The following EPN1 variants were observed in gnomAD, a reference collection of about 807,000 sequenced individuals.
The protein encoded by EPN1 is epsin-1.
Under a neutral mutation model 56.9 loss-of-function variants are expected in EPN1, and 25 were observed. The ratio of observed to expected loss-of-function variants is 0.44; its 90% CI spans 0.32 to 0.61. The LOEUF is 0.61. EPN1 is among the 20% of genes least tolerant of loss of function. The pLI is 0.05. For missense variants in EPN1, 785 were observed against 823.7 expected, an observed-to-expected ratio of 0.95 and a Z score of 0.58; for synonymous variants, 411 against 361.8, an observed-to-expected ratio of 1.14 and a Z score of -1.54.
At chr19:55,679,610 G>A (rs749951331) in intron 2 of EPN1, among the ~76,000 whole-genome samples, 25 of 152,314 alleles carry the variant, frequency 1.6e-4, no homozygotes, top group Admixed American at 9.1e-4. Flanking sequence ...CTTAGACCTG[G>A]GCCTGCTCTG....
chr19:55,676,842 G>A, intron 1 of EPN1: 1 of 211,084 alleles, frequency 4.7e-6, no homozygotes. Context: ...TGTATCTGCT[G>A]CTGCCTGTGT....
In EPN1 at chr19:55,709,277, C is replaced by A. The variant is rs1987600248; in HGVS notation, c.*13921C>A. ...AGGATGTATCAATTAAGATTTAATT[C>A]AAAAAAGATGAATTTAAGTTAAAAA... On this transcript the variant is annotated 3_prime_UTR_variant, in exon 11 of 11. Coordinates refer to ENST00000270460, the MANE Select transcript of EPN1 (RefSeq NM_001130072.2). The A allele has an allele frequency of 3.5e-6, 1 of 287,632 alleles. No homozygotes were observed. Among genetic ancestry groups the A allele is most frequent in the Non-Finnish European group, 6.4e-6 (1 of 156,878 alleles). The allele number at this position is 287,632 out of a possible 1,614,324, so 17.8% of individuals were successfully genotyped here.
At chr19:55,677,432 GGGTTAATTTAATTTA>G (rs1439205437) in intron 1 of EPN1, 4 of 681,568 alleles carry the variant, frequency 5.9e-6, no homozygotes, top group Non-Finnish European at 1.0e-5. Flanking sequence ...GTCTCGGGAT[GGGTTAATTTAATTTA>G]GGTTAATTTA....
At position 55,697,608 on chromosome 19, in the gene EPN1, G is replaced by A. The variant is rs1036846574; in HGVS notation, c.*2252G>A. On this transcript the variant is annotated 3_prime_UTR_variant, in exon 11 of 11. Transcript: ENST00000270460. ...ACCCAGAGGCTTGCACATAAATTTGGGGCTTAACTACAGCATCTTCGGCAT... is the reference window on the plus strand; with the variant it reads ...ACCCAGAGGCTTGCACATAAATTTGAGGCTTAACTACAGCATCTTCGGCAT... The A allele has an allele frequency of 6.6e-6, 1 of 152,092 alleles. No homozygotes were observed. The highest frequency in any genetic ancestry group is 2.4e-5 in the African/African-American group (1 of 41,414). 9.4% of individuals were successfully genotyped at this position (152,092 alleles called of 1,614,324 possible). A position where few individuals can be genotyped will look rare whatever the true frequency, so the allele number is the denominator to read the frequency against.
In EPN1 at chr19:55,705,744, A is replaced by T. The variant is rs190525473; in HGVS notation, c.*10388A>T. ...GAAAGTATCGAGAAAATGACATGTC[A>T]ATCATAAGGTCAGGTTCTTCAACAG... On this transcript the variant is annotated 3_prime_UTR_variant, in exon 11 of 11. Transcript: ENST00000270460. 6.6e-6 allele frequency: 1 copy of T among 151,118 alleles called. No homozygotes were observed. The highest frequency in any genetic ancestry group is 1.9e-4 in the East Asian group (1 of 5,142). 9.4% of individuals were successfully genotyped at this position (151,118 alleles called of 1,614,324 possible). A position where few individuals can be genotyped will look rare whatever the true frequency, so the allele number is the denominator to read the frequency against.
In EPN1 at chr19:55,708,744, G is replaced by A; in HGVS notation, c.*13388G>A. 3 of 500,490 alleles carry A rather than the reference G, an allele frequency of 6.0e-6. No individual in the cohort carries two copies. The highest frequency in any genetic ancestry group is 1.1e-5 in the Non-Finnish European group (3 of 282,080). 31.0% of individuals were successfully genotyped at this position (500,490 alleles called of 1,614,324 possible). The stretch of plus-strand genomic sequence containing the variant: ...GGACCGAGGCAAAGACAATCAGCAT[G>A]TACACTGAATCACACTCCATAATCA... On this transcript the variant is annotated 3_prime_UTR_variant, in exon 11 of 11. Coordinates refer to ENST00000270460, the MANE Select transcript of EPN1 (RefSeq NM_001130072.2).
Position 55,701,193 on chromosome 19 carries a change from G to A in EPN1, c.*5837G>A, listed in dbSNP as rs1028390981. 3 of 152,238 alleles carry A rather than the reference G, an allele frequency of 2.0e-5. No homozygotes were observed. Among genetic ancestry groups the A allele is most frequent in the African/African-American group, 7.2e-5 (3 of 41,444 alleles). The allele number at this position is 152,238 out of a possible 1,614,324, so 9.4% of individuals were successfully genotyped here. ...CGCCTGGGTGCTGTGGCTCATGCTT[G>A]TAATCCTAGCACTTTGGGAGGCCGA... is the stretch of plus-strand genomic sequence containing the variant. On this transcript the variant is annotated 3_prime_UTR_variant, in exon 11 of 11. Coordinates refer to ENST00000270460, the MANE Select transcript of EPN1 (RefSeq NM_001130072.2).
chr19:55,700,709 T>G lies in EPN1; in HGVS notation c.*5353T>G, dbSNP rs1349006223. 3 of 152,230 alleles carry G rather than the reference T, an allele frequency of 2.0e-5. No individual in the cohort carries two copies. Among genetic ancestry groups the G allele is most frequent in the Non-Finnish European group, 4.4e-5 (3 of 68,064 alleles). 9.4% of individuals were successfully genotyped at this position (152,230 alleles called of 1,614,324 possible). On this transcript the variant is annotated 3_prime_UTR_variant, in exon 11 of 11. Transcript: ENST00000270460. ...TCACCTACAGCCTCCTCATGGCCCCTCCCCTGGAGCACTTAAAAATGGTAA... is the reference window on the plus strand; with the variant it reads ...TCACCTACAGCCTCCTCATGGCCCCGCCCCTGGAGCACTTAAAAATGGTAA...
chr19:55,696,623 CAG>C lies in EPN1; in HGVS notation c.*1268_*1269del, dbSNP rs1986920668. ...TTCTGCCCGGGGGACGCTCTGGGCT[CAG>C]GGTGGGGCCAGACAGCTACATCACA... On this transcript the variant is annotated 3_prime_UTR_variant, in exon 11 of 11. Coordinates refer to ENST00000270460, the MANE Select transcript of EPN1 (RefSeq NM_001130072.2). 1 of 152,460 alleles carries C rather than the reference CAG, an allele frequency of 6.6e-6. No individual in the cohort carries two copies. 9.4% of individuals were successfully genotyped at this position (152,460 alleles called of 1,614,324 possible).
chr19:55,681,992 A>G (rs538830700), intron 2 of EPN1, among the ~76,000 whole-genome samples: 1 of 152,164 alleles, frequency 6.6e-6, no homozygotes, highest in Admixed American at 6.5e-5. Context: ...TTTTGTAGAG[A>G]TGGCAGTCTC....
intron 3 of EPN1, among the ~76,000 whole-genome samples, chr19:55,687,939 C>T (rs1017437050): frequency 3.9e-5 from 6 of 152,134 alleles, no homozygotes; most frequent in South Asian, 4.1e-4. Context: ...AGGGCCTGCT[C>T]GTCAGGGAGA....
intron 2 of EPN1, among the ~76,000 whole-genome samples, chr19:55,679,987 C>A (rs886938532): frequency 6.6e-6 from 1 of 152,118 alleles, no homozygotes; most frequent in African/African-American, 2.4e-5. Flanking sequence ...GCACATCCTT[C>A]CTGGTCAGTG....
In EPN1 at chr19:55,685,456, AAGG is replaced by A. The variant is rs1221554854; in HGVS notation, c.292_294del (p.Glu98del). The A allele has an allele frequency of 1.2e-6, 2 of 1,611,682 alleles. No individual in the cohort carries two copies. The highest frequency in any genetic ancestry group is 1.7e-6 in the Non-Finnish European group (2 of 1,179,146). On this transcript the variant is annotated inframe_deletion, in exon 3 of 11. Transcript: ENST00000270460. Reference sequence around the variant, plus strand: ...CTCGGAGCGCGTGTCGCAGCAGTGCAAGGAGAACATGTACGCCGTGCAGACGCT... The same window carrying A: ...CTCGGAGCGCGTGTCGCAGCAGTGCAAGAACATGTACGCCGTGCAGACGCT...
Position 55,695,760 on chromosome 19 carries a change from GC to G in EPN1, c.*405del, listed in dbSNP as rs776260414. ...TGGGAATAAATGGCAATTCCCACGG[GC>G]TTGGCACTCCCAGATTCCCATCTGT... is the stretch of plus-strand genomic sequence containing the variant. On this transcript the variant is annotated 3_prime_UTR_variant, in exon 11 of 11. Transcript: ENST00000270460. This position sits in a 1 kb window ranked among gnomAD's most constrained non-coding sequence, Gnocchi z 4.4. The G allele has an allele frequency of 1.1e-5, 2 of 179,938 alleles. No individual in the cohort carries two copies. The highest frequency in any genetic ancestry group is 2.4e-5 in the African/African-American group (1 of 42,318). The allele number at this position is 179,938 out of a possible 1,614,324, so 11.1% of individuals were successfully genotyped here.
In EPN1 at chr19:55,703,260, C is replaced by G. The variant is rs1187861603; in HGVS notation, c.*7904C>G. On this transcript the variant is annotated 3_prime_UTR_variant, in exon 11 of 11. Coordinates refer to ENST00000270460, the MANE Select transcript of EPN1 (RefSeq NM_001130072.2). ...GAGGGGCCTAAGTGGGAAGTGCCCT[C>G]AACCAAGGAGATAGCTGCTGTGTGT... 6.6e-6 allele frequency: 1 copy of G among 152,022 alleles called. No homozygotes were observed. Among genetic ancestry groups the G allele is most frequent in the African/African-American group, 2.4e-5 (1 of 41,238 alleles). The allele number at this position is 152,022 out of a possible 1,614,324, so 9.4% of individuals were successfully genotyped here. A position where few individuals can be genotyped will look rare whatever the true frequency, so the allele number is the denominator to read the frequency against.
chr19:55,695,729 C>A lies in EPN1; in HGVS notation c.*373C>A. The A allele has an allele frequency of 4.6e-6, 1 of 217,312 alleles. No individual in the cohort carries two copies. The highest frequency in any genetic ancestry group is 1.1e-4 in the East Asian group (1 of 9,288). The allele number at this position is 217,312 out of a possible 1,614,324, so 13.5% of individuals were successfully genotyped here. A position where few individuals can be genotyped will look rare whatever the true frequency, so the allele number is the denominator to read the frequency against. The stretch of plus-strand genomic sequence containing the variant: ...GGTGAATCCTTGGTGATGATTTTGG[C>A]AACTTTGGGAATAAATGGCAATTCC... On this transcript the variant is annotated 3_prime_UTR_variant, in exon 11 of 11. Coordinates refer to ENST00000270460, the MANE Select transcript of EPN1 (RefSeq NM_001130072.2). This position sits in a 1 kb window ranked among gnomAD's most constrained non-coding sequence, Gnocchi z 4.4.
chr19:55,685,368 G>C (rs1345186634), intron 2 of EPN1, 28 bp from the exon 3 acceptor site: 1 of 1,601,184 alleles, frequency 6.2e-7, no homozygotes. Flanking sequence ...CCGGCGTGCT[G>C]ACCGGGCATC....
Position 55,699,425 on chromosome 19 carries a change from T to G in EPN1, c.*4069T>G, listed in dbSNP as rs1421319191. 6.6e-6 allele frequency: 1 copy of G among 152,238 alleles called. No homozygotes were observed. 9.4% of individuals were successfully genotyped at this position (152,238 alleles called of 1,614,324 possible). On this transcript the variant is annotated 3_prime_UTR_variant, in exon 11 of 11. Coordinates refer to ENST00000270460, the MANE Select transcript of EPN1 (RefSeq NM_001130072.2). ...GTCTGTCTCTGTGATGACTGTGGGT[T>G]GTCCAGCTCATCCCTCAAGCGCCAT...
At chr19:55,682,072 C>T (rs113536210) in intron 2 of EPN1, among the ~76,000 whole-genome samples, 2,510 of 152,142 alleles carry the variant, frequency 0.016, 73 homozygotes, top group African/African-American at 0.057. Context: ...TCCCAAAGGG[C>T]TGGGATTATA....
Sources: allele counts gnomAD v4.1 joint callset (sites outside exome capture counted in the v4.1 genomes callset), GRCh38; gene constraint gnomAD v4.1.1; non-coding constraint Gnocchi (gnomAD v3.1); transcripts MANE v1.5; gene names NCBI Gene and HGNC (gene_info 2026-07-23, HGNC 2026-07-21).